Variants in EYA2 observed in about 807,000 individuals in gnomAD.
EYA2 encodes protein phosphatase EYA2.
Under a neutral mutation model 69.2 loss-of-function variants are expected in EYA2, and 31 were observed. The ratio of observed to expected loss-of-function variants is 0.45; its 90% CI spans 0.34 to 0.60. EYA2 has a LOEUF of 0.60. EYA2 is among the 20% of genes least tolerant of loss of function. The probability of loss-of-function intolerance (pLI) is 0.02; values close to 1 mark genes in which losing one functional copy is unlikely to be tolerated. For missense variants in EYA2, 622 were observed against 701.2 expected (o/e 0.89, Z 1.28); for synonymous variants, 257 against 279.4 (o/e 0.92, Z 0.80).
At chr20:47,096,028 G>A (rs207477610) in intron 8 of EYA2, 1 of 152,052 alleles carries the variant, frequency 6.6e-6, no homozygotes, top group African/African-American at 2.4e-5. Context: ...TTTTAATGAA[G>A]GTACATTGTT....
intron 9 of EYA2, among the ~76,000 whole-genome samples, chr20:47,108,932 C>T (rs113139536): frequency 2.6e-5 from 4 of 151,912 alleles, no homozygotes; most frequent in African/African-American, 7.3e-5. Context: ...GGAATCCTGG[C>T]GATGGGTGAG....
At chr20:46,923,040 C>T (rs576060979) in intron 1 of EYA2, among the ~76,000 whole-genome samples, 1 of 152,024 alleles carries the variant, frequency 6.6e-6, no homozygotes, top group Non-Finnish European at 1.5e-5. Flanking sequence ...TCAAAAATGC[C>T]GATGTTGCAA....
chr20:46,957,225 T>A, intron 1 of EYA2, among the ~76,000 whole-genome samples: 1 of 152,210 alleles, frequency 6.6e-6, no homozygotes, highest in Non-Finnish European at 1.5e-5. Context: ...TCTTTACCCC[T>A]GCGGGTTACT....
chr20:47,134,127 A>G (rs912277391), intron 9 of EYA2, among the ~76,000 whole-genome samples: 6 of 152,284 alleles, frequency 3.9e-5, no homozygotes, highest in Middle Eastern at 3.4e-3. Flanking sequence ...GCAGACCCCA[A>G]ATGAAATCAG....
chr20:46,913,137 A>G (rs939948589), intron 1 of EYA2, among the ~76,000 whole-genome samples: 4 of 152,262 alleles, frequency 2.6e-5, no homozygotes, highest in African/African-American at 9.6e-5. Flanking sequence ...TTACAGCCCA[A>G]CAGTGATTTT....
At chr20:46,909,258 G>T (rs1179156416) in intron 1 of EYA2, among the ~76,000 whole-genome samples, 2 of 152,100 alleles carry the variant, frequency 1.3e-5, no homozygotes, top group Non-Finnish European at 2.9e-5. Flanking sequence ...CAAGGAGTGG[G>T]GTGATAGTTT....
At chr20:47,069,981 C>T (rs115253060) in intron 5 of EYA2, among the ~76,000 whole-genome samples, 2,689 of 152,034 alleles carry the variant, frequency 0.018, 78 homozygotes, top group African/African-American at 0.062. Flanking sequence ...TAGAAGAAAA[C>T]ACAAGAGCAG....
intron 1 of EYA2, among the ~76,000 whole-genome samples, chr20:46,984,934 C>A (rs1335428185): frequency 6.6e-6 from 1 of 152,144 alleles, no homozygotes; most frequent in Admixed American, 6.5e-5. Context: ...TAGCTACAAG[C>A]TAGATATGCA....
At chr20:47,184,093 G>A (rs57075097) in intron 15 of EYA2, among the ~76,000 whole-genome samples, 3,924 of 152,274 alleles carry the variant, frequency 0.026, 173 homozygotes, top group African/African-American at 0.089. Context: ...AGAGGGCCCC[G>A]GGAGAGAGGA....
At chr20:47,025,649 A>AT (rs1423717722) in intron 5 of EYA2, among the ~76,000 whole-genome samples, 1 of 152,132 alleles carries the variant, frequency 6.6e-6, no homozygotes, top group Non-Finnish European at 1.5e-5. Context: ...TATGTATATT[A>AT]TTTTTTATAA....
chr20:46,944,324 G>A (rs1258734106), intron 1 of EYA2, among the ~76,000 whole-genome samples: 5 of 152,198 alleles, frequency 3.3e-5, no homozygotes, highest in African/African-American at 1.2e-4. Context: ...TCCAGTGGTG[G>A]GCACCTGACT....
At position 47,145,739 on chromosome 20, in the gene EYA2, A is replaced by C. The variant is rs527310243; in HGVS notation, c.978+2591A>C. On this transcript the variant is annotated intron_variant, in intron 10 of 15. Transcript: ENST00000327619. ...CATGATGAAACCCTGTCTCTACTAA[A>C]AATACAAAAATATTAGCCAGGTGTG... Among the ~76,000 whole-genome samples, 60 of 152,132 alleles carry C rather than the reference A, an allele frequency of 3.9e-4. 1 individual carries two copies. Among genetic ancestry groups the C allele is most frequent in the Non-Finnish European group, 6.2e-4 (42 of 67,998 alleles).
intron 10 of EYA2, among the ~76,000 whole-genome samples, chr20:47,152,398 TTC>T (rs1491340148): frequency 6.6e-6 from 1 of 150,916 alleles, no homozygotes; most frequent in Non-Finnish European, 1.5e-5. Flanking sequence ...TTTTTTTTTT[TTC>T]TCAAAGAGTG....
intron 10 of EYA2, chr20:47,161,273 C>A: frequency 1.9e-6 from 1 of 535,698 alleles, no homozygotes; most frequent in Non-Finnish European, 3.5e-6. Context: ...GATGGCCCCG[C>A]GGATGGCGTG....
chr20:47,104,026 C>T (rs1289297315), intron 9 of EYA2, among the ~76,000 whole-genome samples: 4 of 152,192 alleles, frequency 2.6e-5, no homozygotes, highest in African/African-American at 9.6e-5. Flanking sequence ...AGATTATTTT[C>T]CAAAGTGACT....
At position 47,028,745 on chromosome 20, in the gene EYA2, C is replaced by A. The variant is rs188747460; in HGVS notation, c.415+12448C>A. Reference sequence around the variant, plus strand: ...GACAGAGTCTGCAACTGTCTGGCTCCAAGCCTGTGCTCTTCACTCTGCCAC... The same window carrying A: ...GACAGAGTCTGCAACTGTCTGGCTCAAAGCCTGTGCTCTTCACTCTGCCAC... On this transcript the variant is annotated intron_variant, in intron 5 of 15. Coordinates refer to ENST00000327619, the MANE Select transcript of EYA2 (RefSeq NM_005244.5). 3.5e-3 allele frequency among the ~76,000 whole-genome samples: 526 copies of A among 152,330 alleles called. 6 individuals are homozygous for A. The highest frequency in any genetic ancestry group is 0.012 in the African/African-American group (480 of 41,576).
At chr20:47,084,226 A>T (rs2031819241) in intron 7 of EYA2, among the ~76,000 whole-genome samples, 1 of 151,874 alleles carries the variant, frequency 6.6e-6, no homozygotes, top group Admixed American at 6.6e-5. Flanking sequence ...AGCCTGGGCG[A>T]CAGAGTGAGA....
intron 9 of EYA2, among the ~76,000 whole-genome samples, chr20:47,105,676 G>A (rs1000742487): frequency 4.0e-5 from 6 of 150,104 alleles, no homozygotes; most frequent in African/African-American, 1.5e-4. Flanking sequence ...CAAACCACCT[G>A]ATGCGTTAAA....
At chr20:46,909,506 C>A (rs905965724) in intron 1 of EYA2, among the ~76,000 whole-genome samples, 1 of 152,080 alleles carries the variant, frequency 6.6e-6, no homozygotes, top group Non-Finnish European at 1.5e-5. Context: ...GGAGATTGCT[C>A]CAGATGTAAG....
Sources: gnomAD v4.1 joint callset for allele counts (sites outside exome capture counted in the v4.1 genomes callset) on GRCh38, gnomAD v4.1.1 for gene constraint, MANE v1.5 for transcripts, NCBI Gene and HGNC (gene_info 2026-07-23, HGNC 2026-07-21) for gene names.